The following FAM167A variants were observed in gnomAD, a reference collection of about 807,000 sequenced individuals.
FAM167A encodes the protein family with sequence similarity 167 member A, also known as protein FAM167A.
FAM167A carries 23 observed loss-of-function variants against 14.9 expected under a neutral mutation model. The ratio of observed to expected loss-of-function variants is 1.55; its 90% CI spans 1.11 to 2.19. FAM167A has a LOEUF of 2.19. Ranked by LOEUF, FAM167A falls within the 30% of genes most tolerant of loss-of-function variation. The pLI is 0.00. For synonymous variants in FAM167A, 174 were observed against 117.7 expected, an observed-to-expected ratio of 1.48 and a Z score of -3.10; for missense variants, 401 against 281.5, an observed-to-expected ratio of 1.42 and a Z score of -3.04.
intron 2 of FAM167A, among the ~76,000 whole-genome samples, chr8:11,443,413 C>G (rs1270801281): frequency 6.6e-6 from 1 of 152,218 alleles, no homozygotes; most frequent in Non-Finnish European, 1.5e-5. Context: ...GACTTCTGAG[C>G]CAACTCCTCC....
intron 2 of FAM167A, among the ~76,000 whole-genome samples, chr8:11,435,662 C>G (rs1446771455): frequency 6.6e-6 from 1 of 152,196 alleles, no homozygotes; most frequent in Non-Finnish European, 1.5e-5. Flanking sequence ...GTAGAAAGGA[C>G]AGAGGAGCAG....
intron 2 of FAM167A, among the ~76,000 whole-genome samples, chr8:11,439,635 G>C (rs916130983): frequency 1.3e-5 from 2 of 152,048 alleles, no homozygotes; most frequent in Non-Finnish European, 2.9e-5. Flanking sequence ...CGGGAGGAGG[G>C]TGTCTGCAGG....
At chr8:11,432,374 A>G (rs1805666324) in intron 2 of FAM167A, among the ~76,000 whole-genome samples, 1 of 152,268 alleles carries the variant, frequency 6.6e-6, no homozygotes, top group African/African-American at 2.4e-5. Context: ...ACAAATTTAC[A>G]AGAAAAGAAC....
intron 1 of FAM167A, among the ~76,000 whole-genome samples, chr8:11,464,576 C>G (rs1807678858): frequency 6.6e-6 from 1 of 152,254 alleles, no homozygotes; most frequent in East Asian, 1.9e-4. Context: ...AACAGCCAGC[C>G]AGGCTAATCC....
rs1489227514 is a variant in FAM167A, at chr8:11,435,585, T to G, written c.381+8446A>C. On this transcript the variant is annotated intron_variant, in intron 2 of 2. Coordinates refer to ENST00000284486, the MANE Select transcript of FAM167A (RefSeq NM_053279.3). ...GTCCTGGAGACCTCACTCCTCCCTC[T>G]GCTACCCGGGCTGACCGCCACCCTC... Among the ~76,000 whole-genome samples, 6 of 152,294 alleles carry G rather than the reference T, an allele frequency of 3.9e-5. No individual in the cohort carries two copies. In the East Asian group the frequency reaches 1.2e-3, roughly 29 times the overall value.
At chr8:11,453,124 G>C (rs1397848676) in intron 1 of FAM167A, among the ~76,000 whole-genome samples, 1 of 152,144 alleles carries the variant, frequency 6.6e-6, no homozygotes, top group Non-Finnish European at 1.5e-5. Flanking sequence ...TCCTGCTGCC[G>C]GTTATCCTTC....
At chr8:11,471,284 A>C (rs1410518020), upstream of FAM167A, among the ~76,000 whole-genome samples, 1 of 152,200 alleles carries the variant, frequency 6.6e-6, no homozygotes, top group Non-Finnish European at 1.5e-5. Flanking sequence ...AGTGGCGGGC[A>C]CAAGGGCACA....
intron 2 of FAM167A, among the ~76,000 whole-genome samples, chr8:11,432,188 A>G (rs12549796): frequency 0.33 from 50,547 of 152,036 alleles, 9,992 homozygotes; most frequent in East Asian, 0.68. Flanking sequence ...ACTTTCTCTG[A>G]TCCCACGGAC....
At chr8:11,468,845 G>A (rs1165203360), upstream of FAM167A, among the ~76,000 whole-genome samples, 1 of 152,234 alleles carries the variant, frequency 6.6e-6, no homozygotes, top group Non-Finnish European at 1.5e-5. Flanking sequence ...TCCAAGGCAA[G>A]GGTGGTGTCT....
Position 11,422,372 on chromosome 8 carries a change from GGGTGTGTGTGTGTGTGTGTGT to G in FAM167A, c.*1980_*2000del, listed in dbSNP as rs1563350158. On this transcript the variant is annotated 3_prime_UTR_variant, in exon 3 of 3. Transcript: ENST00000284486. Reference sequence around the variant, plus strand: ...TTCTCTGTCGTGTGTGTGTGTGTGGGGGTGTGTGTGTGTGTGTGTGTGTGTGTGTGTGTAGGTCAGCCCGAG... The same window carrying G: ...TTCTCTGTCGTGTGTGTGTGTGTGGGGTGTGTGTGTGTAGGTCAGCCCGAG... 23 of 107,858 alleles carry G rather than the reference GGGTGTGTGTGTGTGTGTGTGT, an allele frequency of 2.1e-4. No individual in the cohort carries two copies. Among genetic ancestry groups the G allele is most frequent in the Admixed American group, 1.0e-3 (13 of 12,654 alleles). 6.7% of individuals were successfully genotyped at this position (107,858 alleles called of 1,614,324 possible).
Position 11,444,816 on chromosome 8 carries a change from A to G in FAM167A, c.-397-8T>C, listed in dbSNP as rs1585259812. On this transcript the variant is annotated splice_polypyrimidine_tract_variant and splice_region_variant and intron_variant, in intron 1 of 2. Transcript: ENST00000284486. ...GGCAGGTGGCTGGAGACCCTGTGGG[A>G]GGGATGAGAACCGCATCAGTCCCGA... 2.0e-6 allele frequency: 2 copies of G among 1,001,896 alleles called. No homozygotes were observed. Among genetic ancestry groups the G allele is most frequent in the Admixed American group, 1.1e-4 (2 of 18,502 alleles). The allele number at this position is 1,001,896 out of a possible 1,614,324, so 62.1% of individuals were successfully genotyped here.
intron 2 of FAM167A, among the ~76,000 whole-genome samples, chr8:11,442,139 A>C (rs1806478049): frequency 6.6e-6 from 1 of 152,198 alleles, no homozygotes; most frequent in Admixed American, 6.5e-5. Flanking sequence ...GGCTCTACAC[A>C]TCACCCACGG....
Position 11,424,326 on chromosome 8 carries a change from C to CAGCCCA in FAM167A, c.*41_*46dup, listed in dbSNP as rs1383456253. ...GCCTCAGCTTCCTCTGACACCCCTC[C>CAGCCCA]AGCCCAAGCCCTCCGCTCCAGCCCC... On this transcript the variant is annotated 3_prime_UTR_variant, in exon 3 of 3. Coordinates refer to ENST00000284486, the MANE Select transcript of FAM167A (RefSeq NM_053279.3). 5 of 1,604,286 alleles carry CAGCCCA rather than the reference C, an allele frequency of 3.1e-6. No individual in the cohort carries two copies. The highest frequency in any genetic ancestry group is 4.3e-6 in the Non-Finnish European group (5 of 1,172,900).
At chr8:11,458,170 G>C (rs1807406187) in intron 1 of FAM167A, among the ~76,000 whole-genome samples, 1 of 152,176 alleles carries the variant, frequency 6.6e-6, no homozygotes, top group South Asian at 2.1e-4. Flanking sequence ...AGATGGGGTG[G>C]TTTGGGATGC....
chr8:11,475,221 C>A (rs1473814773), intron 1 of FAM167A, among the ~76,000 whole-genome samples: 2 of 152,154 alleles, frequency 1.3e-5, no homozygotes, highest in Admixed American at 6.5e-5. Flanking sequence ...CTCTGGGACC[C>A]CCTCCCTGTG....
intron 1 of FAM167A, among the ~76,000 whole-genome samples, chr8:11,454,748 G>T (rs1278535129): frequency 2.0e-5 from 3 of 152,224 alleles, no homozygotes; most frequent in Admixed American, 1.3e-4. Context: ...GGGGTGTGCA[G>T]GCTTTTCTGC....
At chr8:11,455,647 T>G (rs1043889028) in intron 1 of FAM167A, among the ~76,000 whole-genome samples, 92 of 75,920 alleles carry the variant, frequency 1.2e-3, no homozygotes, top group East Asian at 4.3e-3. Context: ...GTGTGAGTGT[T>G]GGGGGTGGTT....
chr8:11,469,240 C>G (rs550001751), upstream of FAM167A, among the ~76,000 whole-genome samples: 1 of 152,198 alleles, frequency 6.6e-6, no homozygotes, highest in Non-Finnish European at 1.5e-5. Context: ...GTCGTTATCT[C>G]TGGGCTGCAG....
At chr8:11,428,224 C>T (rs73207493) in intron 2 of FAM167A, among the ~76,000 whole-genome samples, 20,378 of 152,146 alleles carry the variant, frequency 0.13, 1,907 homozygotes, top group Non-Finnish European at 0.21. Flanking sequence ...ATCTGTGAGA[C>T]GCAGGCTGTG....
Sources: allele counts gnomAD v4.1 joint callset (sites outside exome capture counted in the v4.1 genomes callset), GRCh38; gene constraint gnomAD v4.1.1; transcripts MANE v1.5; gene names NCBI Gene and HGNC (gene_info 2026-07-23, HGNC 2026-07-21).